WDR43: variants seen among roughly 807,000 people sequenced by gnomAD.
The protein encoded by WDR43 is WD repeat domain 43.
Under a neutral mutation model 91.4 loss-of-function variants are expected in WDR43, and 13 were observed. The observed-to-expected ratio is 0.14, with a 90% CI of 0.09 to 0.23. The LOEUF (loss-of-function observed/expected upper bound fraction) is 0.23. Among genes scored for constraint, WDR43 ranks in the 10% least tolerant of loss-of-function variants. WDR43 has a pLI of 1.00. For missense variants in WDR43, 780 were observed against 809.4 expected (o/e 0.96, Z 0.44); for synonymous variants, 331 against 287.9 (o/e 1.15, Z -1.51).
intron 1 of WDR43, among the ~76,000 whole-genome samples, chr2:28,900,814 G>T (rs1670566368): frequency 1.5e-5 from 2 of 129,644 alleles, no homozygotes; most frequent in Admixed American, 1.5e-4. Context: ...GGACTTGCAA[G>T]ATGTGTATTA....
chr2:28,915,371 T>A (rs765753713), intron 5 of WDR43, among the ~76,000 whole-genome samples: 5 of 152,190 alleles, frequency 3.3e-5, no homozygotes, highest in Non-Finnish European at 7.4e-5. Flanking sequence ...TCAGTAGTGC[T>A]AAAAAATTAA....
chr2:28,906,320 A>G, intron 2 of WDR43, 140 bp from the exon 3 acceptor site: 1 of 761,658 alleles, frequency 1.3e-6, no homozygotes, highest in Non-Finnish European at 2.0e-6. Flanking sequence ...AGTTCTACTG[A>G]TCTGAAATAT....
intron 13 of WDR43, among the ~76,000 whole-genome samples, chr2:28,937,628 T>G (rs1472605730): frequency 6.6e-6 from 1 of 152,212 alleles, no homozygotes; most frequent in African/African-American, 2.4e-5. Context: ...CGAAGATTAC[T>G]GCCCTCATAT....
chr2:28,923,015 GT>G (rs748934508), intron 7 of WDR43, 32 bp downstream of exon 7: 1 of 1,584,618 alleles, frequency 6.3e-7, no homozygotes. Context: ...TAAGAAATTT[GT>G]TTCTTTCCCT....
chr2:28,927,805 A>T, intron 10 of WDR43, 105 bp downstream of exon 10: 1 of 1,426,526 alleles, frequency 7.0e-7, no homozygotes, highest in Non-Finnish European at 9.5e-7. Context: ...TTAGAAATTT[A>T]CTGAGATTTC....
chr2:28,898,298 T>C (rs1670517956), intron 1 of WDR43, among the ~76,000 whole-genome samples: 1 of 152,172 alleles, frequency 6.6e-6, no homozygotes, highest in South Asian at 2.1e-4. Flanking sequence ...GGTGTCTGAG[T>C]TGGGTATCTG....
At chr2:28,917,164 G>T (rs1572589746) in intron 5 of WDR43, among the ~76,000 whole-genome samples, 1 of 152,204 alleles carries the variant, frequency 6.6e-6, no homozygotes, top group Non-Finnish European at 1.5e-5. Flanking sequence ...CGGGAAGGCA[G>T]AATGTAGCTA....
At chr2:28,914,024 C>T (rs1423366640) in intron 4 of WDR43, 45 bp from the exon 5 acceptor site, 11 of 1,603,122 alleles carry the variant, frequency 6.9e-6, no homozygotes, top group South Asian at 2.2e-5. Context: ...AATTTTTGTC[C>T]CTGCTTTGAA....
chr2:28,900,644 C>A (rs1438046791), intron 1 of WDR43, among the ~76,000 whole-genome samples: 1 of 152,174 alleles, frequency 6.6e-6, no homozygotes, highest in African/African-American at 2.4e-5. Flanking sequence ...TTTAGAAATT[C>A]ATGTAACTGA....
In WDR43 at chr2:28,920,468, T is replaced by C. The variant is rs372908872; in HGVS notation, c.850-2451T>C. ...GTCTTGAACTCCTGACCTCAAGTGA[T>C]CTGCCCACCTTGGCCTCCCAAAGTG... is the stretch of plus-strand genomic sequence containing the variant. On this transcript the variant is annotated intron_variant, in intron 6 of 17. Transcript: ENST00000407426. 1.7e-4 allele frequency among the ~76,000 whole-genome samples: 26 copies of C among 152,034 alleles called. No individual in the cohort carries two copies. The East Asian group carries it at 3.3e-3, about 19-fold the overall frequency.
Position 28,937,373 on chromosome 2 carries a change from A to G in WDR43, c.1556+420A>G, listed in dbSNP as rs1344419631. 4.6e-5 allele frequency among the ~76,000 whole-genome samples: 7 copies of G among 152,304 alleles called. 1 individual carries two copies. In the South Asian group the frequency reaches 1.2e-3, roughly 27 times the overall value. ...ATCTTAAAGATCCTAAGCTTATAGT[A>G]TATTATCATCAGTATCTAGATAGTA... On this transcript the variant is annotated intron_variant, in intron 13 of 17. Coordinates refer to ENST00000407426, the MANE Select transcript of WDR43 (RefSeq NM_015131.3).
chr2:28,938,494 T>C lies in WDR43; in HGVS notation c.1620+500T>C, dbSNP rs1434019288. On this transcript the variant is annotated intron_variant, in intron 14 of 17. Transcript: ENST00000407426. Reference sequence around the variant, plus strand: ...GGAAAGCAACACCAGAAAAAAAAAATTGTATTCATAATATGAGTTGGGTTC... The same window carrying C: ...GGAAAGCAACACCAGAAAAAAAAAACTGTATTCATAATATGAGTTGGGTTC... Among the ~76,000 whole-genome samples, 5 of 152,026 alleles carry C rather than the reference T, an allele frequency of 3.3e-5. No individual in the cohort carries two copies. In the East Asian group the frequency reaches 9.6e-4, roughly 29 times the overall value.
chr2:28,895,602 G>A (rs1670465143), intron 1 of WDR43, among the ~76,000 whole-genome samples: 1 of 151,992 alleles, frequency 6.6e-6, no homozygotes, highest in African/African-American at 2.4e-5. Context: ...TCTGAAGTCT[G>A]TATTAGGATG....
chr2:28,910,664 CGT>C (rs201339313), intron 3 of WDR43, among the ~76,000 whole-genome samples: 6,528 of 107,662 alleles, frequency 0.061, 204 homozygotes, highest in Non-Finnish European at 0.092. Flanking sequence ...AGATAACGTG[CGT>C]GTGTGTGTGT....
At chr2:28,907,446 CA>C (rs34966684) in intron 3 of WDR43, among the ~76,000 whole-genome samples, 5,921 of 19,022 alleles carry the variant, frequency 0.31, 571 homozygotes, top group African/African-American at 0.46. Context: ...CACCTCTTTA[CA>C]AAAAAAAAAA....
In WDR43 at chr2:28,913,370, G is replaced by A. The variant is rs545267971; in HGVS notation, c.606+660G>A. ...TTTTGACACAGGGTCTCTCTCTGTCGCCCAGGCTGGACTGCAGTGACGCCA... is the reference window on the plus strand; with the variant it reads ...TTTTGACACAGGGTCTCTCTCTGTCACCCAGGCTGGACTGCAGTGACGCCA... On this transcript the variant is annotated intron_variant, in intron 4 of 17. Coordinates refer to ENST00000407426, the MANE Select transcript of WDR43 (RefSeq NM_015131.3). Among the ~76,000 whole-genome samples, 153 of 151,594 alleles carry A rather than the reference G, an allele frequency of 1.0e-3. 1 individual carries two copies. Among genetic ancestry groups the A allele is most frequent in the Non-Finnish European group, 1.8e-3 (120 of 67,894 alleles).
At chr2:28,941,227 C>G (rs1671427848) in intron 14 of WDR43, among the ~76,000 whole-genome samples, 1 of 152,088 alleles carries the variant, frequency 6.6e-6, no homozygotes, top group Admixed American at 6.5e-5. Context: ...ACTCTCTTGC[C>G]CTTATATCAT....
At chr2:28,940,592 G>A (rs1343060892) in intron 14 of WDR43, among the ~76,000 whole-genome samples, 2 of 152,212 alleles carry the variant, frequency 1.3e-5, no homozygotes, top group Non-Finnish European at 1.5e-5. Context: ...GTATTTGAAG[G>A]CAGTGGGACA....
chr2:28,930,104 C>T lies in WDR43; in HGVS notation c.1437+394C>T, dbSNP rs541630988. 6.4e-6 allele frequency: 3 copies of T among 471,012 alleles called. No homozygotes were observed. In the East Asian group the frequency reaches 2.1e-4, roughly 33 times the overall value. The allele number at this position is 471,012 out of a possible 1,614,324, so 29.2% of individuals were successfully genotyped here. ...TACTCTGGATTCCAGAAACTTATTT[C>T]CCCCTGGCCGTGAGAGGGGGCAGTG... On this transcript the variant is annotated intron_variant, in intron 11 of 17. Coordinates refer to ENST00000407426, the MANE Select transcript of WDR43 (RefSeq NM_015131.3).
Sources: gnomAD v4.1 joint callset for allele counts (sites outside exome capture counted in the v4.1 genomes callset) on GRCh38, gnomAD v4.1.1 for gene constraint, MANE v1.5 for transcripts, NCBI Gene and HGNC (gene_info 2026-07-23, HGNC 2026-07-21) for gene names.